STAU2: variants seen among roughly 807,000 people sequenced by gnomAD.
STAU2 encodes double-stranded RNA-binding protein Staufen homolog 2.
In STAU2, 20 loss-of-function variants were observed where a neutral mutation model predicts 65.9. The ratio of observed to expected loss-of-function variants is 0.30; its 90% CI spans 0.21 to 0.44. STAU2 has a LOEUF of 0.44. Among genes scored for constraint, STAU2 ranks in the 20% least tolerant of loss-of-function variants. STAU2 has a pLI of 1.00. For missense variants in STAU2, 558 were observed against 683.9 expected (o/e 0.82, Z 2.05); for synonymous variants, 232 against 233.9 (o/e 0.99, Z 0.07).
intron 12 of STAU2, among the ~76,000 whole-genome samples, chr8:73,564,908 T>G (rs376732790): frequency 2.6e-5 from 4 of 152,012 alleles, no homozygotes; most frequent in Non-Finnish European, 5.9e-5. Context: ...AGTATGGGTG[T>G]CGTGTGTGTG....
chr8:73,727,029 A>C (rs563044826), intron 3 of STAU2, among the ~76,000 whole-genome samples: 46 of 152,262 alleles, frequency 3.0e-4, no homozygotes, highest in African/African-American at 1.1e-3. Flanking sequence ...CAGGAGTTCA[A>C]GACCAGCCTG....
chr8:73,723,108 C>CCACACACACACACACACATA (rs1821799577), intron 3 of STAU2, among the ~76,000 whole-genome samples: 1 of 148,976 alleles, frequency 6.7e-6, no homozygotes, highest in Non-Finnish European at 1.5e-5. Flanking sequence ...GCCCACACAC[C>CCACACACACACACACACATA]CACACACACA....
At chr8:73,521,702 C>T (rs1204531804) in intron 13 of STAU2, among the ~76,000 whole-genome samples, 1 of 152,204 alleles carries the variant, frequency 6.6e-6, no homozygotes, top group Non-Finnish European at 1.5e-5. Flanking sequence ...ACTGCACCTT[C>T]CAGTCAGCCA....
chr8:73,697,750 G>A (rs993327224), intron 4 of STAU2, among the ~76,000 whole-genome samples: 5 of 152,178 alleles, frequency 3.3e-5, no homozygotes, highest in Non-Finnish European at 2.9e-5. Flanking sequence ...CTGCAATTGT[G>A]TTAAGCTGTC....
chr8:73,536,183 T>C (rs1806169545), intron 13 of STAU2, among the ~76,000 whole-genome samples: 1 of 152,146 alleles, frequency 6.6e-6, no homozygotes. Context: ...AAAATAAGCA[T>C]AATTCCAAAA....
At chr8:73,492,302 A>G (rs1052769811) in intron 13 of STAU2, among the ~76,000 whole-genome samples, 1 of 151,852 alleles carries the variant, frequency 6.6e-6, no homozygotes, top group Non-Finnish European at 1.5e-5. Flanking sequence ...GTTGTTTTGG[A>G]AAGCCTAAGT....
At chr8:73,747,428 G>A, upstream of STAU2, 1 of 1,535,076 alleles carries the variant, frequency 6.5e-7, no homozygotes, top group East Asian at 2.5e-5. Flanking sequence ...CTGTGCAGGG[G>A]ACGCGCGACC....
At chr8:73,523,893 A>G (rs1823201065) in intron 13 of STAU2, among the ~76,000 whole-genome samples, 1 of 152,094 alleles carries the variant, frequency 6.6e-6, no homozygotes, top group Non-Finnish European at 1.5e-5. Context: ...TGTGTAGTTG[A>G]GTCAGGTAAT....
intron 6 of STAU2, among the ~76,000 whole-genome samples, chr8:73,635,039 C>T (rs375943944): frequency 6.6e-6 from 1 of 152,172 alleles, no homozygotes; most frequent in East Asian, 1.9e-4. Flanking sequence ...TGTCTCACCA[C>T]GTGTATGTAT....
chr8:73,731,284 C>T (rs1432534346), intron 3 of STAU2, among the ~76,000 whole-genome samples: 3 of 152,164 alleles, frequency 2.0e-5, no homozygotes, highest in African/African-American at 7.2e-5. Flanking sequence ...CTCCCCAACG[C>T]CAATCCCAAC....
chr8:73,690,189 C>T (rs943870400), intron 4 of STAU2, among the ~76,000 whole-genome samples: 2 of 151,638 alleles, frequency 1.3e-5, no homozygotes, highest in Admixed American at 1.3e-4. Flanking sequence ...TTTAGCCAGA[C>T]GTGGTGGCGG....
At chr8:73,745,174 A>G (rs374459740) in intron 1 of STAU2, among the ~76,000 whole-genome samples, 111 of 152,382 alleles carry the variant, frequency 7.3e-4, no homozygotes, top group African/African-American at 2.5e-3. Context: ...ATAGTTTGGC[A>G]TAACTGCTTC....
chr8:73,473,178 G>A (rs777130949), intron 13 of STAU2, among the ~76,000 whole-genome samples: 8 of 152,104 alleles, frequency 5.3e-5, no homozygotes, highest in Non-Finnish European at 1.0e-4. Context: ...GAGTAAGAAA[G>A]CCTGAGACTC....
intron 10 of STAU2, among the ~76,000 whole-genome samples, chr8:73,597,425 AG>A (rs1279139511): frequency 6.6e-6 from 1 of 151,626 alleles, no homozygotes; most frequent in African/African-American, 2.4e-5. Context: ...AGGCCAAGGC[AG>A]GTGGATCACT....
At chr8:73,743,658 A>ACCT (rs1807047683) in intron 1 of STAU2, among the ~76,000 whole-genome samples, 1 of 151,158 alleles carries the variant, frequency 6.6e-6, no homozygotes, top group African/African-American at 2.4e-5. Flanking sequence ...TTTTTAGTAG[A>ACCT]GACGGGGTTT....
intron 4 of STAU2, among the ~76,000 whole-genome samples, chr8:73,694,015 T>C (rs1390998136): frequency 6.6e-6 from 1 of 152,152 alleles, no homozygotes; most frequent in East Asian, 1.9e-4. Context: ...GAGAAAAACA[T>C]ATACTGACAT....
intron 6 of STAU2, among the ~76,000 whole-genome samples, chr8:73,647,952 A>G (rs1027356985): frequency 5.9e-5 from 9 of 152,192 alleles, no homozygotes; most frequent in African/African-American, 2.2e-4. Context: ...GAACTACAAC[A>G]CATACATTTA....
At chr8:73,543,564 T>C (rs568170966) in intron 13 of STAU2, among the ~76,000 whole-genome samples, 1 of 152,292 alleles carries the variant, frequency 6.6e-6, no homozygotes, top group African/African-American at 2.4e-5. Context: ...TTAACACCAT[T>C]TGAATTTATT....
chr8:73,536,048 G>A (rs1806159867), intron 13 of STAU2, among the ~76,000 whole-genome samples: 1 of 152,062 alleles, frequency 6.6e-6, no homozygotes, highest in African/African-American at 2.4e-5. Context: ...ATATATACTT[G>A]AATTTAAAAT....
Sources: gnomAD v4.1 joint callset for allele counts (sites outside exome capture counted in the v4.1 genomes callset) on GRCh38, gnomAD v4.1.1 for gene constraint, MANE v1.5 for transcripts, NCBI Gene and HGNC (gene_info 2026-07-23, HGNC 2026-07-21) for gene names.